The following GNL3L variants were observed in gnomAD, a reference collection of about 807,000 sequenced individuals.
GNL3L encodes the protein guanine nucleotide-binding protein-like 3-like protein.
GNL3L carries 4 observed loss-of-function variants against 42.9 expected under a neutral mutation model. The observed-to-expected ratio is 0.09, with a 90% CI of 0.05 to 0.21. The LOEUF (loss-of-function observed/expected upper bound fraction) is 0.21, where lower values mean the gene tolerates loss of function less well. Ranked by LOEUF, GNL3L falls within the 10% of genes least tolerant of loss-of-function variation. The pLI, the probability that GNL3L is intolerant of heterozygous loss-of-function variation, is 1.00. For synonymous variants in GNL3L, 159 were observed against 176.3 expected (o/e 0.90, Z 0.78); for missense variants, 412 against 481.7 (o/e 0.86, Z 1.36).
intron 16 of GNL3L, among the ~76,000 whole-genome samples, chrX:54,575,463 T>C (rs1478522739): frequency 1.8e-5 from 2 of 112,850 alleles, no homozygotes; most frequent in Admixed American, 9.4e-5. Context: ...CCGAGTGCAG[T>C]GGCTCACGCC....
chrX:54,547,658 T>C (rs1187045573), intron 8 of GNL3L, among the ~76,000 whole-genome samples: 1 of 111,468 alleles, frequency 9.0e-6, no homozygotes, highest in East Asian at 2.9e-4. Context: ...TGAGCCAAGG[T>C]TGTGCCACCA....
intron 16 of GNL3L, among the ~76,000 whole-genome samples, chrX:54,588,656 C>G (rs1212135733): frequency 9.0e-6 from 1 of 111,059 alleles, no homozygotes; most frequent in East Asian, 2.8e-4. Flanking sequence ...GAAACCCTGT[C>G]TCTACTAAAA....
Position 54,544,451 on chromosome X carries a change from T to C in GNL3L, c.630+125T>C, listed in dbSNP as rs1020823756. 9.6e-6 allele frequency: 4 copies of C among 417,164 alleles called. No homozygotes were observed. The African/African-American group carries it at 1.1e-4, about 11-fold the overall frequency. 34.4% of individuals were successfully genotyped at this position (417,164 alleles called of 1,213,427 possible). A position where few individuals can be genotyped will look rare whatever the true frequency, so the allele number is the denominator to read the frequency against. ...TTGAACTGGGCCTTCAACTTTGAGC[T>C]TTTTGCTCCACCGAGTGACTTTTTT... On this transcript the variant is annotated intron_variant, in intron 8 of 15. Coordinates refer to ENST00000360845, the MANE Select transcript of GNL3L (RefSeq NM_001184819.2).
chrX:54,623,849 G>T (rs1926320543), downstream of GNL3L, among the ~76,000 whole-genome samples: 1 of 110,142 alleles, frequency 9.1e-6, no homozygotes, highest in African/African-American at 3.3e-5. Context: ...TTTTTTGTAT[G>T]TTGATCTTAT....
chrX:54,546,233 G>A (rs1243316244), intron 8 of GNL3L, among the ~76,000 whole-genome samples: 1 of 112,439 alleles, frequency 8.9e-6, no homozygotes, highest in Non-Finnish European at 1.9e-5. Context: ...CTGTTTGGAA[G>A]TATTATGTAT....
At chrX:54,615,718 T>TC (rs59804858) in intron 16 of GNL3L, among the ~76,000 whole-genome samples, 1 of 108,335 alleles carries the variant, frequency 9.2e-6, no homozygotes, top group African/African-American at 3.4e-5. Context: ...TTTTTTTTTT[T>TC]CCCTAAGACA....
downstream of GNL3L, among the ~76,000 whole-genome samples, chrX:54,625,972 T>C (rs536982490): frequency 7.2e-5 from 8 of 111,724 alleles, no homozygotes; most frequent in East Asian, 2.0e-3. Flanking sequence ...ATGTATACAA[T>C]GTATAATGAT....
At chrX:54,584,984 A>G (rs761765044) in intron 16 of GNL3L, among the ~76,000 whole-genome samples, 28 of 111,632 alleles carry the variant, frequency 2.5e-4, no homozygotes, top group Admixed American at 6.6e-4. Context: ...CGGGTTCACC[A>G]TGTTGGTCAG....
At chrX:54,544,771 C>T (rs1291175493) in intron 8 of GNL3L, among the ~76,000 whole-genome samples, 1 of 111,224 alleles carries the variant, frequency 9.0e-6, no homozygotes, top group East Asian at 2.8e-4. Context: ...AGCCAACATG[C>T]CTGGCCAGTG....
chrX:54,579,866 C>G (rs1314426449), intron 16 of GNL3L, among the ~76,000 whole-genome samples: 1 of 110,878 alleles, frequency 9.0e-6, no homozygotes, highest in Admixed American at 9.6e-5. Context: ...TTAGTAGAGA[C>G]AGGGTTTTGC....
intron 16 of GNL3L, among the ~76,000 whole-genome samples, chrX:54,617,096 A>G (rs1926229631): frequency 8.9e-6 from 1 of 112,001 alleles, no homozygotes; most frequent in Admixed American, 9.5e-5. Flanking sequence ...TTTCAAGTCC[A>G]TGTGCCAAGA....
rs971590713 is a variant in GNL3L at position 54,552,517 on chromosome X, C to T, written c.1318+89C>T. On this transcript the variant is annotated intron_variant, in intron 13 of 15. Coordinates refer to ENST00000360845, the MANE Select transcript of GNL3L (RefSeq NM_001184819.2). ...AAATCCCACTTTTGACCTCCCGCTT[C>T]CTTGGCCCTACTTGGGCTTTGGGCA... is the stretch of plus-strand genomic sequence containing the variant. The T allele has an allele frequency of 1.7e-5, 15 of 888,631 alleles. No individual in the cohort carries two copies. The African/African-American group carries it at 2.9e-4, about 17-fold the overall frequency. 73.2% of individuals were successfully genotyped at this position (888,631 alleles called of 1,213,427 possible). A position where few individuals can be genotyped will look rare whatever the true frequency, so the allele number is the denominator to read the frequency against.
intron 16 of GNL3L, among the ~76,000 whole-genome samples, chrX:54,598,969 ATT>A (rs1925970006): frequency 8.9e-6 from 1 of 112,187 alleles, no homozygotes; most frequent in African/African-American, 3.2e-5. Flanking sequence ...TGGCTGAGAA[ATT>A]TCCAAAGTTA....
chrX:54,531,903 C>T (rs1924260051), intron 1 of GNL3L, among the ~76,000 whole-genome samples: 1 of 110,168 alleles, frequency 9.1e-6, no homozygotes, highest in African/African-American at 3.3e-5. Context: ...AGGTATAGAC[C>T]CCAGGCATAT....
intron 16 of GNL3L, among the ~76,000 whole-genome samples, chrX:54,606,703 C>T (rs1490691947): frequency 5.8e-5 from 6 of 104,311 alleles, no homozygotes; most frequent in Non-Finnish European, 1.2e-4. Flanking sequence ...TGTAGTGGTG[C>T]GCTCTTGGCT....
downstream of GNL3L, among the ~76,000 whole-genome samples, chrX:54,572,234 C>T (rs1429581950): frequency 1.7e-3 from 169 of 99,517 alleles, no homozygotes; most frequent in South Asian, 2.4e-3. Context: ...CTTCAAGCAT[C>T]TGTTTAACAA....
At chrX:54,571,547 C>A (rs1479519620), downstream of GNL3L, among the ~76,000 whole-genome samples, 1 of 96,264 alleles carries the variant, frequency 1.0e-5, no homozygotes, top group Non-Finnish European at 2.0e-5. Context: ...GTTACTCAGG[C>A]TGGTCTCAAA....
rs183914401 is a variant in GNL3L at position 54,574,261 on chromosome X, T to G, written c.*45+13614T>G. On this transcript the variant is annotated intron_variant, in intron 16 of 16. Transcript: ENST00000674498. Reference sequence around the variant, plus strand: ...CTCTTACTATTAAATATAATGTCTATTGTAGGTTTTGTAGATGCCCTTTAT... The same window carrying G: ...CTCTTACTATTAAATATAATGTCTAGTGTAGGTTTTGTAGATGCCCTTTAT... 7.0e-3 allele frequency among the ~76,000 whole-genome samples: 787 copies of G among 111,834 alleles called. 6 individuals are homozygous for G. Among genetic ancestry groups the G allele is most frequent in the Admixed American group, 0.012 (122 of 10,457 alleles).
intron 16 of GNL3L, among the ~76,000 whole-genome samples, chrX:54,607,768 G>A (rs1385216997): frequency 8.9e-6 from 1 of 112,109 alleles, no homozygotes; most frequent in Non-Finnish European, 1.9e-5. Context: ...CACAGCTCTA[G>A]AGGATCTCAC....
Sources: allele counts gnomAD v4.1 joint callset (sites outside exome capture counted in the v4.1 genomes callset), GRCh38; gene constraint gnomAD v4.1.1; transcripts MANE v1.5; gene names NCBI Gene and HGNC (gene_info 2026-07-23, HGNC 2026-07-21).